PAX8: variants seen among roughly 807,000 people sequenced by gnomAD.
PAX8 encodes paired box protein Pax-8.
PAX8 carries 15 observed loss-of-function variants against 52.4 expected under a neutral mutation model. The ratio of observed to expected loss-of-function variants is 0.29; its 90% CI spans 0.19 to 0.44. The LOEUF (loss-of-function observed/expected upper bound fraction) is 0.44, where lower values mean the gene tolerates loss of function less well. Among genes scored for constraint, PAX8 ranks in the 20% least tolerant of loss-of-function variants. PAX8 has a pLI of 1.00. For missense variants in PAX8, 554 were observed against 602.5 expected (o/e 0.92, Z 0.84); for synonymous variants, 284 against 249.7 (o/e 1.14, Z -1.29).
Position 113,278,467 on chromosome 2 carries a change from G to A in PAX8, c.-73C>T. 4 of 1,601,782 alleles carry A rather than the reference G, an allele frequency of 2.5e-6. No homozygotes were observed. The highest frequency in any genetic ancestry group is 3.4e-6 in the Non-Finnish European group (4 of 1,174,870). On this transcript the variant is annotated splice_region_variant and 5_prime_UTR_variant, in exon 2 of 12. Coordinates refer to ENST00000429538, the MANE Select transcript of PAX8 (RefSeq NM_003466.4). ...GTAGGTCCGGGCCGCGCCTGCCGCT[G>A]CCCTGCACAAACCCAGGAGAAGGGC...
chr2:113,270,219 G>A (rs1693369316), intron 2 of PAX8: 1 of 152,182 alleles, frequency 6.6e-6, no homozygotes, highest in Non-Finnish European at 1.5e-5. Flanking sequence ...ACGACAATGG[G>A]ACTTTGGGAA....
At chr2:113,243,504 G>C (rs762097479) in intron 4 of PAX8, among the ~76,000 whole-genome samples, 1 of 151,960 alleles carries the variant, frequency 6.6e-6, no homozygotes, top group Non-Finnish European at 1.5e-5. Flanking sequence ...TGGTTTTCCT[G>C]CTTCAGTCTC....
chr2:113,248,067 A>G (rs1387613958), intron 2 of PAX8, among the ~76,000 whole-genome samples: 1 of 152,214 alleles, frequency 6.6e-6, no homozygotes, highest in Non-Finnish European at 1.5e-5. Context: ...CAGTGGGAAC[A>G]GAATGTGCAA....
chr2:113,254,864 G>C (rs972542920), intron 2 of PAX8, among the ~76,000 whole-genome samples: 1 of 152,172 alleles, frequency 6.6e-6, no homozygotes, highest in African/African-American at 2.4e-5. Context: ...TTCCATTCAT[G>C]CCTTAGGAGT....
In PAX8 at chr2:113,242,127, G is replaced by C; in HGVS notation, c.482C>G (p.Pro161Arg). The C allele has an allele frequency of 1.9e-6, 3 of 1,611,652 alleles. No individual in the cohort carries two copies. The highest frequency in any genetic ancestry group is 2.5e-6 in the Non-Finnish European group (3 of 1,178,298). ...CTCCGGGGGAGTTACAGCTGAGCTG[G>C]GGACTGCAGTGGGGGAGAGGGAGAG... The part of the protein sequence containing the change: ...KSLSPGHTLI[P>R]SSAVTPPESP... The change falls in exon 6 of 12, where the codon CCC (proline) becomes CGC (arginine). Residue 161 changes from proline to arginine, a missense_variant. By Grantham distance (103) the Pro-to-Arg change is moderately radical. Around this residue, in one of 2 missense-constraint regions of PAX8, gnomAD observed 445 missense variants for 409.9 expected, o/e 1.09. Coordinates refer to ENST00000429538, the MANE Select transcript of PAX8 (RefSeq NM_003466.4).
intron 7 of PAX8, chr2:113,237,647 G>A (rs1690474855): frequency 6.6e-6 from 1 of 152,122 alleles, no homozygotes; most frequent in Non-Finnish European, 1.5e-5. Context: ...TATGACCTTA[G>A]GTACTCCTTC....
intron 2 of PAX8, among the ~76,000 whole-genome samples, chr2:113,255,105 GGA>G (rs1243810493): frequency 6.7e-6 from 1 of 150,358 alleles, no homozygotes; most frequent in Non-Finnish European, 1.5e-5. Context: ...AAGGAAGGAG[GGA>G]GAGAGGAATA....
intron 2 of PAX8, chr2:113,267,329 C>T (rs1166289625): frequency 6.6e-6 from 1 of 152,204 alleles, no homozygotes; most frequent in Non-Finnish European, 1.5e-5. Flanking sequence ...ACTGTGAACC[C>T]CAGAGACCTA....
chr2:113,217,046 C>G lies in PAX8; in HGVS notation c.*1487G>C, dbSNP rs1334269596. ...CAGTCACAGCTATTCCCGGATCCCT[C>G]ACTAACCCACCCTGCTGATTCTCTG... On this transcript the variant is annotated 3_prime_UTR_variant, in exon 12 of 12. Coordinates refer to ENST00000429538, the MANE Select transcript of PAX8 (RefSeq NM_003466.4). The G allele has an allele frequency of 4.3e-6, 1 of 231,362 alleles. No individual in the cohort carries two copies. Among genetic ancestry groups the G allele is most frequent in the Non-Finnish European group, 8.6e-6 (1 of 116,918 alleles). The allele number at this position is 231,362 out of a possible 1,614,324, so 14.3% of individuals were successfully genotyped here.
At chr2:113,256,011 A>T (rs72831835) in intron 2 of PAX8, among the ~76,000 whole-genome samples, 2 of 151,344 alleles carry the variant, frequency 1.3e-5, no homozygotes, top group Non-Finnish European at 2.9e-5. Context: ...AAAAAAAAAA[A>T]GTTCTCCAGT....
Position 113,242,073 on chromosome 2 carries a change from G to A in PAX8, c.536C>T (p.Thr179Ile). ...GCCCAGGAGCCCATTGATGGAGTAG[G>A]TGGAGCCCAGGGAATCCGACTGGGG... ...ESPQSDSLGSTYSINGLLGIA... is the reference protein window; with the variant it reads ...ESPQSDSLGSIYSINGLLGIA... The change falls in exon 6 of 12, where the codon ACC becomes ATC. Residue 179 changes from threonine to isoleucine, a missense_variant. By Grantham distance (89) the Thr-to-Ile change is moderately conservative. This residue lies in a region of PAX8 where 445 missense variants were observed against 409.9 expected (regional missense o/e 1.09). Transcript: ENST00000429538. 4 of 1,613,720 alleles carry A rather than the reference G, an allele frequency of 2.5e-6. No homozygotes were observed. Among genetic ancestry groups the A allele is most frequent in the Non-Finnish European group, 3.4e-6 (4 of 1,179,734 alleles).
rs1692634211 is a variant in PAX8 at position 113,260,949 on chromosome 2, G to A, written c.26-14030C>T. On this transcript the variant is annotated intron_variant, in intron 2 of 11. Transcript: ENST00000429538. ...TGCAGAGTCTTCAGGGTGGGGGACA[G>A]AAGGAGGGCCTGGCCATCCTGGGGA... 3.3e-5 allele frequency among the ~76,000 whole-genome samples: 5 copies of A among 151,966 alleles called. 1 individual carries two copies. In the South Asian group the frequency reaches 1.0e-3, roughly 32 times the overall value.
chr2:113,230,583 C>T (rs905288309), intron 9 of PAX8: 1 of 152,234 alleles, frequency 6.6e-6, no homozygotes, highest in Non-Finnish European at 1.5e-5. Context: ...CCTGAGGCTT[C>T]CTGCCATGAA....
At chr2:113,263,887 A>G (rs1692867831) in intron 2 of PAX8, among the ~76,000 whole-genome samples, 1 of 152,212 alleles carries the variant, frequency 6.6e-6, no homozygotes, top group African/African-American at 2.4e-5. Flanking sequence ...AGGTTTTGAT[A>G]TAGACCACAC....
chr2:113,257,113 A>C (rs1573510268), intron 2 of PAX8, among the ~76,000 whole-genome samples: 1 of 152,208 alleles, frequency 6.6e-6, no homozygotes, highest in East Asian at 1.9e-4. Context: ...ATTTATTAGC[A>C]AATGGCAAAG....
At position 113,225,880 on chromosome 2, in the gene PAX8, T is replaced by TA. The variant is rs1558687136; in HGVS notation, c.1189+1274dup. On this transcript the variant is annotated intron_variant, in intron 10 of 11. Coordinates refer to ENST00000429538, the MANE Select transcript of PAX8 (RefSeq NM_003466.4). ...TGAGAGGCCCCATTATCCACACTCTTAAAAAAATAACCGAATCTTTTCCTT... is the reference window on the plus strand; with the variant it reads ...TGAGAGGCCCCATTATCCACACTCTTAAAAAAAATAACCGAATCTTTTCCTT... 5.1e-6 allele frequency: 5 copies of TA among 973,600 alleles called. No individual in the cohort carries two copies. The South Asian group carries it at 1.5e-4, about 29-fold the overall frequency. The allele number at this position is 973,600 out of a possible 1,614,324, so 60.3% of individuals were successfully genotyped here.
chr2:113,264,329 G>T (rs1692900869), intron 2 of PAX8, among the ~76,000 whole-genome samples: 1 of 152,218 alleles, frequency 6.6e-6, no homozygotes, highest in Admixed American at 6.5e-5. Flanking sequence ...GGCCTGAATG[G>T]CTGCATCAGG....
At chr2:113,261,797 C>A (rs1168935394) in intron 2 of PAX8, among the ~76,000 whole-genome samples, 1 of 151,430 alleles carries the variant, frequency 6.6e-6, no homozygotes, top group Non-Finnish European at 1.5e-5. Flanking sequence ...TGTCCTGAAG[C>A]AAGTCATGCC....
At chr2:113,241,786 C>G in intron 6 of PAX8, 60 bp from the exon 7 acceptor site, 2 of 1,579,960 alleles carry the variant, frequency 1.3e-6, no homozygotes, top group Non-Finnish European at 1.7e-6. Flanking sequence ...TGCTCTAGGC[C>G]AAAGTAGAGG....
Sources: gnomAD v4.1 joint callset for allele counts (sites outside exome capture counted in the v4.1 genomes callset) on GRCh38, gnomAD v4.1.1 for gene constraint, gnomAD v4.1.1 regional missense constraint, MANE v1.5 for transcripts, NCBI Gene and HGNC (gene_info 2026-07-23, HGNC 2026-07-21) for gene names.